BRME1: variants seen among roughly 807,000 people sequenced by gnomAD.
BRME1 encodes the protein break repair meiotic recombinase recruitment factor 1, also known as BRCA2 and MEILB2-associating protein 1.
A neutral mutation model predicts 52.6 loss-of-function variants in BRME1; 31 were observed. The observed-to-expected ratio is 0.59, with a 90% confidence interval of 0.44 to 0.80. The LOEUF is 0.80. BRME1 is among the 30% of genes least tolerant of loss of function. BRME1 has a pLI of 0.00. For synonymous variants in BRME1, 359 were observed against 353.6 expected, an observed-to-expected ratio of 1.02 and a Z score of -0.17; for missense variants, 804 against 860.3, an observed-to-expected ratio of 0.93 and a Z score of 0.82.
At chr19:13,903,311 T>C (rs920618080) in intron 2 of BRME1, among the ~76,000 whole-genome samples, 6 of 152,008 alleles carry the variant, frequency 3.9e-5, no homozygotes, top group Admixed American at 3.9e-4. Context: ...CATGGTAGGA[T>C]ATTTGAGCAG....
rs1240455028 is a variant in BRME1 at position 13,888,721 on chromosome 19, C to G, written c.1668+467G>C. Among the ~76,000 whole-genome samples, 1 of 152,158 alleles carries G rather than the reference C, an allele frequency of 6.6e-6. No homozygotes were observed. The highest frequency in any genetic ancestry group is 1.9e-4 in the East Asian group (1 of 5,192). On this transcript the variant is annotated intron_variant, in intron 6 of 8. Transcript: ENST00000586783. The surrounding 1 kb of genome is among the most constrained non-coding windows in gnomAD (Gnocchi z 4.1). ...AATCATATCAGGACCCCCAGAGGACCCTAAGGAGATGGGCAAAGGCTCTTT... is the reference window on the plus strand; with the variant it reads ...AATCATATCAGGACCCCCAGAGGACGCTAAGGAGATGGGCAAAGGCTCTTT...
rs1204427603 is a variant in BRME1, at chr19:13,882,769, G to A, written c.*33C>T. ...GAGGAGGTCTGCGGACATGGGGGCT[G>A]GGTGGCAAAGGAAACACAGACCTCA... On this transcript the variant is annotated 3_prime_UTR_variant, in exon 9 of 9. Coordinates refer to ENST00000586783, the MANE Select transcript of BRME1 (RefSeq NM_001345843.2). 1 of 1,612,392 alleles carries A rather than the reference G, an allele frequency of 6.2e-7. No homozygotes were observed. Among genetic ancestry groups the A allele is most frequent in the Non-Finnish European group, 8.5e-7 (1 of 1,179,550 alleles).
At chr19:13,900,818 C>T (rs1970245408) in intron 2 of BRME1, among the ~76,000 whole-genome samples, 1 of 151,696 alleles carries the variant, frequency 6.6e-6, no homozygotes. Context: ...ATTACAGACA[C>T]ATGCCACCAT....
In BRME1 at chr19:13,882,971, C is replaced by A. The variant is rs1199174639; in HGVS notation, c.1857-19G>T. The A allele has an allele frequency of 6.2e-7, 1 of 1,609,488 alleles. No individual in the cohort carries two copies. Among genetic ancestry groups the A allele is most frequent in the South Asian group, 1.1e-5 (1 of 90,782 alleles). On this transcript the variant is annotated intron_variant, in intron 8 of 8. Coordinates refer to ENST00000586783, the MANE Select transcript of BRME1 (RefSeq NM_001345843.2). ...CAGCCGGCTGTGGGGGAAACACAGG[C>A]ATGCGTGTGGGGCTCAGTGGTCACC...
intron 2 of BRME1, among the ~76,000 whole-genome samples, chr19:13,896,073 C>T (rs994738210): frequency 6.6e-6 from 1 of 152,178 alleles, no homozygotes; most frequent in Non-Finnish European, 1.5e-5. Context: ...AGTTCAAGAC[C>T]AGCCTGGCCA....
chr19:13,890,393 G>A lies in BRME1; in HGVS notation c.463C>T (p.Leu155Phe), dbSNP rs144502446. The A allele has an allele frequency of 6.7e-3, 10,349 of 1,533,766 alleles. 48 individuals carry two copies. Among genetic ancestry groups the A allele is most frequent in the Non-Finnish European group, 7.8e-3 (8,959 of 1,147,118 alleles). Residue 155 changes from leucine (L) to phenylalanine (F), a missense_variant, in exon 6 of 9, where the codon CTC becomes TTC. Physicochemically the swap from Leu to Phe is conservative, Grantham distance 22. Coordinates refer to ENST00000586783, the MANE Select transcript of BRME1 (RefSeq NM_001345843.2). Reference protein sequence around the residue: ...QLLVETLGVPLQEATELGDPT... With the variant: ...QLLVETLGVPFQEATELGDPT... ...TCCCCCAGCTCCGTGGCCTCCTGGA[G>A]GGGGACCCCCAGGGTCTCCACTAGC...
chr19:13,884,555 G>A (rs1968861376), intron 7 of BRME1, among the ~76,000 whole-genome samples: 1 of 151,732 alleles, frequency 6.6e-6, no homozygotes, highest in African/African-American at 2.4e-5. Context: ...GCGAGCCTGG[G>A]AGATCGAGGC....
At chr19:13,904,462 G>A (rs937842749) in intron 2 of BRME1, among the ~76,000 whole-genome samples, 3 of 150,840 alleles carry the variant, frequency 2.0e-5, no homozygotes, top group African/African-American at 7.3e-5. Flanking sequence ...TTTTTTTTGA[G>A]ACAGAGTCTT....
At chr19:13,902,757 T>C (rs748182029) in intron 2 of BRME1, among the ~76,000 whole-genome samples, 1 of 151,292 alleles carries the variant, frequency 6.6e-6, no homozygotes, top group Non-Finnish European at 1.5e-5. Flanking sequence ...ACCCTGACTC[T>C]ACTAAAAAAA....
At chr19:13,902,400 G>A (rs9676394) in intron 2 of BRME1, among the ~76,000 whole-genome samples, 50,284 of 151,540 alleles carry the variant, frequency 0.33, 10,977 homozygotes, top group African/African-American at 0.63. Flanking sequence ...TTGGGAGGCC[G>A]AGATGGGCGG....
rs370115842 is a variant in BRME1, at chr19:13,884,271, T to C, written c.1764-871A>G. Among the ~76,000 whole-genome samples the C allele has an allele frequency of 3.9e-5, 6 of 152,148 alleles. No individual in the cohort carries two copies. The East Asian group carries it at 7.7e-4, about 20-fold the overall frequency. On this transcript the variant is annotated intron_variant, in intron 7 of 8. Coordinates refer to ENST00000586783, the MANE Select transcript of BRME1 (RefSeq NM_001345843.2). Reference sequence around the variant, plus strand: ...GGGAGGATCAGTTGAGCCTGGGAGATGGAGGCTACAGTAAGCTATGATCCT... The same window carrying C: ...GGGAGGATCAGTTGAGCCTGGGAGACGGAGGCTACAGTAAGCTATGATCCT...
intron 2 of BRME1, among the ~76,000 whole-genome samples, chr19:13,897,040 C>CTTTT (rs35686337): frequency 7.5e-6 from 1 of 133,342 alleles, no homozygotes; most frequent in African/African-American, 2.9e-5. Flanking sequence ...TACATCGAAA[C>CTTTT]TTTTTTTTTT....
At chr19:13,892,307 C>T (rs748746238) in intron 5 of BRME1, among the ~76,000 whole-genome samples, 3 of 151,376 alleles carry the variant, frequency 2.0e-5, no homozygotes, top group Non-Finnish European at 4.4e-5. Flanking sequence ...GTGCTAAGGC[C>T]GTGCGCAGTG....
In BRME1 at chr19:13,895,423, G is replaced by C. The variant is rs772347988; in HGVS notation, c.155C>G (p.Pro52Arg). The change falls in exon 3 of 9, where the codon CCT (proline) becomes CGT (arginine). Residue 52 changes from proline (P) to arginine (R), a missense_variant. Coordinates refer to ENST00000586783, the MANE Select transcript of BRME1 (RefSeq NM_001345843.2). ...HPEEPEGKLG[P>R]VPSTQQHGEE... ...CCCGTGCTGCTGTGTAGAGGGAACA[G>C]GTCCCAATTTGCCCTCTGGCTCCTC... The C allele has an allele frequency of 4.3e-6, 7 of 1,614,004 alleles. No homozygotes were observed. The highest frequency in any genetic ancestry group is 1.7e-5 in the Admixed American group (1 of 59,978).
intron 3 of BRME1, among the ~76,000 whole-genome samples, chr19:13,893,549 G>A (rs1033195491): frequency 7.9e-6 from 1 of 126,302 alleles, no homozygotes. Flanking sequence ...ACAAACAAAC[G>A]AGGGGGATCT....
intron 6 of BRME1, 113 bp from the exon 7 acceptor site, chr19:13,886,168 A>G: frequency 1.2e-6 from 1 of 809,842 alleles, no homozygotes; most frequent in Non-Finnish European, 2.0e-6. Flanking sequence ...ACAGCAGGTC[A>G]CATCGGGGCT....
chr19:13,896,049 C>T (rs1969865652), intron 2 of BRME1, among the ~76,000 whole-genome samples: 1 of 152,200 alleles, frequency 6.6e-6, no homozygotes, highest in Non-Finnish European at 1.5e-5. Flanking sequence ...GCGGGTGGAT[C>T]ACCTAAGGTC....
chr19:13,898,838 G>A (rs1479727495), intron 2 of BRME1, among the ~76,000 whole-genome samples: 2 of 148,898 alleles, frequency 1.3e-5, no homozygotes, highest in Admixed American at 6.8e-5. Flanking sequence ...CAGGAGAATC[G>A]CTTGAACCCG....
In BRME1 at chr19:13,882,830, C is replaced by T. The variant is rs142469464; in HGVS notation, c.1979G>A (p.Arg660Gln). 1,333 of 1,613,986 alleles carry T rather than the reference C, an allele frequency of 8.3e-4. 7 individuals carry two copies. Among genetic ancestry groups the T allele is most frequent in the Middle Eastern group, 3.5e-3 (21 of 6,026 alleles). Residue 660 changes from arginine to glutamine, a missense_variant, in exon 9 of 9, where the codon CGA becomes CAA. Coordinates refer to ENST00000586783, the MANE Select transcript of BRME1 (RefSeq NM_001345843.2). The part of the protein sequence containing the change: ...YPSKGPGNIP[R>Q]GDPPWREL ...CAACTCCCTCCAGGGTGGGTCCCCT[C>T]GAGGGATATTCCCAGGCCCCTTGGA...
Sources: allele counts gnomAD v4.1 joint callset (sites outside exome capture counted in the v4.1 genomes callset), GRCh38; gene constraint gnomAD v4.1.1; non-coding constraint Gnocchi (gnomAD v3.1); transcripts MANE v1.5; gene names NCBI Gene and HGNC (gene_info 2026-07-23, HGNC 2026-07-21).